FTO: variants seen among roughly 807,000 people sequenced by gnomAD.
FTO encodes the protein FTO alpha-ketoglutarate dependent dioxygenase.
A neutral mutation model predicts 63.9 loss-of-function variants in FTO; 47 were observed. The observed-to-expected ratio is 0.74, with a 90% CI of 0.58 to 0.94. The LOEUF is 0.94. Ranked by LOEUF, FTO falls within the 40% of genes least tolerant of loss-of-function variation. The pLI is 0.00. For synonymous variants in FTO, 207 were observed against 224.4 expected (o/e 0.92, Z 0.69); for missense variants, 562 against 618.1 (o/e 0.91, Z 0.96).
chr16:53,870,051 G>A (rs1159938700), intron 4 of FTO, among the ~76,000 whole-genome samples: 1 of 152,004 alleles, frequency 6.6e-6, no homozygotes, highest in African/African-American at 2.4e-5. Flanking sequence ...GTGAGTTTAT[G>A]CCTGTGAATT....
chr16:53,809,582 C>T (rs2151734900), intron 1 of FTO, among the ~76,000 whole-genome samples: 1 of 152,270 alleles, frequency 6.6e-6, no homozygotes, highest in East Asian at 1.9e-4. Context: ...ATCAAATTGT[C>T]TCATGAAATG....
chr16:53,997,225 GAGA>G (rs1463784792), intron 8 of FTO, among the ~76,000 whole-genome samples: 3 of 150,698 alleles, frequency 2.0e-5, no homozygotes, highest in African/African-American at 7.3e-5. Flanking sequence ...AGGAGAGAGA[GAGA>G]AAGAAAGAAA....
intron 1 of FTO, among the ~76,000 whole-genome samples, chr16:53,765,416 G>C (rs930223175): frequency 6.6e-6 from 1 of 151,858 alleles, no homozygotes; most frequent in Admixed American, 6.6e-5. Context: ...TTAGCTGGGG[G>C]TGGTGGCAGG....
rs1329168820 is a variant in FTO, at chr16:54,044,946, C to A, written c.1365-66816C>A. ...ACACCACATAACAGAATCTCTGGGACGCATTCAAAGCAGTGTGTAGAGGGA... is the reference window on the plus strand; with the variant it reads ...ACACCACATAACAGAATCTCTGGGAAGCATTCAAAGCAGTGTGTAGAGGGA... On this transcript the variant is annotated intron_variant, in intron 8 of 8. Coordinates refer to ENST00000471389, the MANE Select transcript of FTO (RefSeq NM_001080432.3). Among the ~76,000 whole-genome samples, 2 of 107,480 alleles carry A rather than the reference C, an allele frequency of 1.9e-5. 1 individual carries two copies. 70.5% of individuals were successfully genotyped at this position (107,480 alleles called of 152,430 possible).
intron 4 of FTO, among the ~76,000 whole-genome samples, chr16:53,867,859 T>G (rs1034437301): frequency 6.6e-6 from 1 of 152,192 alleles, no homozygotes; most frequent in African/African-American, 2.4e-5. Flanking sequence ...AGTTTTTGCC[T>G]TATACATTTT....
intron 5 of FTO, among the ~76,000 whole-genome samples, chr16:53,875,424 T>C (rs1418785259): frequency 6.6e-6 from 1 of 152,228 alleles, no homozygotes; most frequent in African/African-American, 2.4e-5. Context: ...CTTATGAGGA[T>C]TAAATTAGTT....
At chr16:54,026,682 T>C (rs2302674) in intron 8 of FTO, among the ~76,000 whole-genome samples, 32,447 of 152,062 alleles carry the variant, frequency 0.21, 4,765 homozygotes, top group African/African-American at 0.41. Context: ...CCCTTGATGT[T>C]GGCCAGTATT....
chr16:53,729,169 C>T (rs1430277729), intron 1 of FTO, among the ~76,000 whole-genome samples: 1 of 152,052 alleles, frequency 6.6e-6, no homozygotes, highest in African/African-American at 2.4e-5. Flanking sequence ...TGTGTTCAGC[C>T]CCTTTAGATT....
At chr16:54,003,536 T>G (rs934155823) in intron 8 of FTO, among the ~76,000 whole-genome samples, 12 of 152,170 alleles carry the variant, frequency 7.9e-5, no homozygotes, top group Non-Finnish European at 5.9e-5. Context: ...CTTTATTTTT[T>G]ATAGAGACAG....
At chr16:54,074,714 C>A (rs1449929276) in intron 8 of FTO, among the ~76,000 whole-genome samples, 1 of 152,004 alleles carries the variant, frequency 6.6e-6, no homozygotes, top group African/African-American at 2.4e-5. Context: ...TTGTGTGAAT[C>A]TTTATCACCT....
chr16:53,882,547 G>A (rs1235957888), intron 6 of FTO, among the ~76,000 whole-genome samples: 2 of 152,310 alleles, frequency 1.3e-5, no homozygotes, highest in Non-Finnish European at 2.9e-5. Context: ...TGTGTGGTGG[G>A]GGAATGCCTG....
At chr16:53,830,853 G>A (rs551451194) in intron 3 of FTO, among the ~76,000 whole-genome samples, 2 of 89,814 alleles carry the variant, frequency 2.2e-5, no homozygotes, top group Non-Finnish European at 6.3e-5. Context: ...CTGAGATTGC[G>A]CCACTGTACT....
At chr16:53,865,777 A>G (rs1452954327) in intron 4 of FTO, among the ~76,000 whole-genome samples, 2 of 152,134 alleles carry the variant, frequency 1.3e-5, no homozygotes, top group African/African-American at 2.4e-5. Context: ...TTCCTATGAA[A>G]CTGCCAGTCA....
intron 7 of FTO, among the ~76,000 whole-genome samples, chr16:53,899,879 C>A (rs1442069651): frequency 6.6e-6 from 1 of 152,174 alleles, no homozygotes; most frequent in Non-Finnish European, 1.5e-5. Context: ...CTATAAGCAG[C>A]AGAACTATTA....
At chr16:53,816,991 C>T (rs56057753) in intron 2 of FTO, among the ~76,000 whole-genome samples, 43,267 of 152,082 alleles carry the variant, frequency 0.28, 6,782 homozygotes, top group East Asian at 0.57. Flanking sequence ...CCTGCTCCCA[C>T]AGCAGTATAC....
intron 1 of FTO, among the ~76,000 whole-genome samples, chr16:53,768,557 C>G (rs1312376036): frequency 6.6e-6 from 1 of 152,078 alleles, no homozygotes; most frequent in Non-Finnish European, 1.5e-5. Context: ...TTAAATTTCC[C>G]TTTTGATGCA....
intron 1 of FTO, among the ~76,000 whole-genome samples, chr16:53,744,237 T>C (rs1343878163): frequency 6.6e-6 from 1 of 152,204 alleles, no homozygotes; most frequent in Admixed American, 6.5e-5. Context: ...AACATTCTTC[T>C]TCTTCAATTA....
intron 8 of FTO, among the ~76,000 whole-genome samples, chr16:54,097,523 T>C (rs1443036823): frequency 6.6e-6 from 1 of 152,154 alleles, no homozygotes; most frequent in African/African-American, 2.4e-5. Flanking sequence ...TACTTCTTCT[T>C]ATCACTGTTA....
At chr16:53,776,300 G>C (rs779295466) in intron 1 of FTO, among the ~76,000 whole-genome samples, 1 of 152,174 alleles carries the variant, frequency 6.6e-6, no homozygotes, top group South Asian at 2.1e-4. Flanking sequence ...TCTTGCCAGC[G>C]AGGAGGAGGA....
Sources: gnomAD v4.1 joint callset for allele counts (sites outside exome capture counted in the v4.1 genomes callset) on GRCh38, gnomAD v4.1.1 for gene constraint, MANE v1.5 for transcripts, NCBI Gene and HGNC (gene_info 2026-07-23, HGNC 2026-07-21) for gene names.